ANO10: variants seen among roughly 807,000 people sequenced by gnomAD.
The protein encoded by ANO10 is anoctamin 10, also known as anoctamin-10.
In ANO10, 77 loss-of-function variants were observed where a neutral mutation model predicts 74.7. The ratio of observed to expected loss-of-function variants is 1.03; its 90% CI spans 0.86 to 1.25. ANO10 has a LOEUF of 1.25. Among genes scored for constraint, ANO10 ranks in the 50% most tolerant of loss-of-function variants. ANO10 has a pLI of 0.00. For synonymous variants in ANO10, 279 were observed against 284.9 expected (o/e 0.98, Z 0.21); for missense variants, 721 against 778.1 (o/e 0.93, Z 0.87).
intron 1 of ANO10, among the ~76,000 whole-genome samples, chr3:43,609,285 A>G (rs2082704040): frequency 6.6e-6 from 1 of 152,218 alleles, no homozygotes; most frequent in African/African-American, 2.4e-5. Context: ...ATTTTGAATT[A>G]TCTACCATAC....
At chr3:43,525,709 A>G (rs935121021) in intron 11 of ANO10, among the ~76,000 whole-genome samples, 1 of 152,208 alleles carries the variant, frequency 6.6e-6, no homozygotes, top group African/African-American at 2.4e-5. Flanking sequence ...AGTTCCTAAA[A>G]TAAGCTTGCA....
chr3:43,477,956 C>T (rs989532729), intron 11 of ANO10, among the ~76,000 whole-genome samples: 1 of 152,182 alleles, frequency 6.6e-6, no homozygotes, highest in Admixed American at 6.5e-5. Flanking sequence ...CCCAATGGCC[C>T]ATCTCTAAGG....
At chr3:43,515,671 A>G (rs752054378) in intron 11 of ANO10, among the ~76,000 whole-genome samples, 5 of 152,248 alleles carry the variant, frequency 3.3e-5, no homozygotes, top group African/African-American at 4.8e-5. Flanking sequence ...GAAAGGTGAC[A>G]TCACTGGTGA....
At chr3:43,655,343 C>T (rs918884288) in intron 1 of ANO10, among the ~76,000 whole-genome samples, 2 of 152,090 alleles carry the variant, frequency 1.3e-5, no homozygotes, top group East Asian at 1.9e-4. Context: ...CTGGTGGGTT[C>T]GTGGTCTCGC....
intron 11 of ANO10, among the ~76,000 whole-genome samples, chr3:43,481,927 CTTT>C (rs1161910647): frequency 4.0e-5 from 5 of 123,872 alleles, no homozygotes; most frequent in African/African-American, 1.2e-4. Context: ...CTTTTTTTTT[CTTT>C]TTTTTTTTTT....
At chr3:43,414,675 T>A (rs1203207234) in intron 12 of ANO10, among the ~76,000 whole-genome samples, 3 of 152,242 alleles carry the variant, frequency 2.0e-5, no homozygotes. Flanking sequence ...GATCTGAGAC[T>A]GCTTCTTGCC....
intron 11 of ANO10, among the ~76,000 whole-genome samples, chr3:43,452,766 C>T (rs867038165): frequency 3.3e-5 from 5 of 152,242 alleles, no homozygotes; most frequent in Non-Finnish European, 7.3e-5. Flanking sequence ...CCATTTTCCA[C>T]AGTGGCTGTA....
At chr3:43,437,852 C>T (rs761371693) in intron 11 of ANO10, among the ~76,000 whole-genome samples, 7 of 129,050 alleles carry the variant, frequency 5.4e-5, no homozygotes, top group Admixed American at 7.8e-5. Context: ...CAGCAAAAAA[C>T]AAAAGGGCAT....
intron 9 of ANO10, among the ~76,000 whole-genome samples, chr3:43,556,658 A>G (rs1447863636): frequency 2.0e-5 from 3 of 152,208 alleles, no homozygotes; most frequent in African/African-American, 7.2e-5. Flanking sequence ...TATATTAACC[A>G]AGACACAATC....
intron 11 of ANO10, 83 bp downstream of exon 11, chr3:43,549,637 A>T: frequency 6.6e-7 from 1 of 1,507,120 alleles, no homozygotes; most frequent in Admixed American, 1.7e-5. Flanking sequence ...ATTGTCAGTC[A>T]TGGACAGCCC....
At chr3:43,402,259 G>A (rs910049022) in intron 12 of ANO10, among the ~76,000 whole-genome samples, 1 of 152,106 alleles carries the variant, frequency 6.6e-6, no homozygotes, top group Non-Finnish European at 1.5e-5. Flanking sequence ...CAGCCCCTGC[G>A]CATGAGCTCC....
At chr3:43,401,402 A>C (rs1433165504) in intron 12 of ANO10, among the ~76,000 whole-genome samples, 1 of 150,020 alleles carries the variant, frequency 6.7e-6, no homozygotes, top group African/African-American at 2.4e-5. Flanking sequence ...AAATTTTTTA[A>C]AAGGCGGGGG....
At chr3:43,517,687 G>A (rs1328405232) in intron 11 of ANO10, among the ~76,000 whole-genome samples, 1 of 152,114 alleles carries the variant, frequency 6.6e-6, no homozygotes, top group African/African-American at 2.4e-5. Flanking sequence ...TTGGATTTTT[G>A]TTCTTTAAGC....
chr3:43,648,737 C>T (rs1465407394), intron 1 of ANO10, among the ~76,000 whole-genome samples: 7 of 145,436 alleles, frequency 4.8e-5, no homozygotes, highest in South Asian at 4.3e-4. Flanking sequence ...AGTGCAGTGG[C>T]GTGATCTTGC....
At chr3:43,558,502 G>T (rs2079871666) in intron 9 of ANO10, among the ~76,000 whole-genome samples, 1 of 152,074 alleles carries the variant, frequency 6.6e-6, no homozygotes. Flanking sequence ...ATATTACAGA[G>T]AATTTCTTTT....
chr3:43,495,626 T>C (rs2076885115), intron 11 of ANO10, among the ~76,000 whole-genome samples: 1 of 152,180 alleles, frequency 6.6e-6, no homozygotes, highest in Non-Finnish European at 1.5e-5. Flanking sequence ...TAAGAAAGTA[T>C]TCTTTCTCAA....
At chr3:43,446,066 T>A (rs17407745) in intron 11 of ANO10, among the ~76,000 whole-genome samples, 33,825 of 152,070 alleles carry the variant, frequency 0.22, 4,304 homozygotes, top group Middle Eastern at 0.36. Context: ...AACGTATAGA[T>A]ATCACTGTGT....
intron 1 of ANO10, among the ~76,000 whole-genome samples, chr3:43,612,271 C>G (rs1184160665): frequency 4.7e-5 from 7 of 150,288 alleles, no homozygotes; most frequent in Non-Finnish European, 4.4e-5. Flanking sequence ...AATTCAAACT[C>G]TAACCTGTGT....
intron 1 of ANO10, among the ~76,000 whole-genome samples, chr3:43,616,784 A>C (rs190045784): frequency 7.7e-4 from 117 of 152,180 alleles, no homozygotes; most frequent in African/African-American, 2.5e-3. Flanking sequence ...TCTGTCCCTG[A>C]AGTTCCATCC....
Sources: allele counts gnomAD v4.1 joint callset (sites outside exome capture counted in the v4.1 genomes callset), GRCh38; gene constraint gnomAD v4.1.1; transcripts MANE v1.5; gene names NCBI Gene and HGNC (gene_info 2026-07-23, HGNC 2026-07-21).